Variants in SHBG observed in about 807,000 individuals in gnomAD.
SHBG encodes the protein sex hormone-binding globulin.
Under a neutral mutation model 41.9 loss-of-function variants are expected in SHBG, and 37 were observed. The observed-to-expected ratio is 0.88, with a 90% confidence interval of 0.68 to 1.16. The LOEUF (loss-of-function observed/expected upper bound fraction) is 1.16. Among genes scored for constraint, SHBG ranks in the 50% most tolerant of loss-of-function variants. SHBG has a pLI of 0.00. For synonymous variants in SHBG, 217 were observed against 205.8 expected (o/e 1.05, Z -0.47); for missense variants, 466 against 499.9 (o/e 0.93, Z 0.65).
chr17:7,628,827 A>G (rs183911363), upstream of SHBG, among the ~76,000 whole-genome samples: 1,176 of 151,568 alleles, frequency 7.8e-3, 18 homozygotes, highest in African/African-American at 0.027. Flanking sequence ...AGGCAGAGGC[A>G]GGCGGATCAC....
upstream of SHBG, chr17:7,628,178 A>C (rs1263461134): frequency 4.4e-6 from 2 of 456,508 alleles, no homozygotes; most frequent in Admixed American, 4.7e-5. Context: ...TCAGCTCTGA[A>C]AGCTGTTTCC....
Position 7,630,925 on chromosome 17 carries a change from G to A in SHBG, c.393+56G>A. 6.5e-7 allele frequency: 1 copy of A among 1,528,592 alleles called. No homozygotes were observed. The highest frequency in any genetic ancestry group is 9.0e-7 in the Non-Finnish European group (1 of 1,109,052). The allele number at this position is 1,528,592 out of a possible 1,614,324, so 94.7% of individuals were successfully genotyped here. A position where few individuals can be genotyped will look rare whatever the true frequency, so the allele number is the denominator to read the frequency against. ...TGTCTGGAGCTGGTCTGAGGAAAGG[G>A]AACAAAACCAAGTTATTGGGCATCC... On this transcript the variant is annotated intron_variant, in intron 3 of 7. Coordinates refer to ENST00000380450, the MANE Select transcript of SHBG (RefSeq NM_001040.5). The surrounding 1 kb of genome is among the most constrained non-coding windows in gnomAD (Gnocchi z 4.6).
At chr17:7,632,171 G>T in intron 6 of SHBG, 156 bp downstream of exon 6, 1 of 810,072 alleles carries the variant, frequency 1.2e-6, no homozygotes, top group Non-Finnish European at 2.0e-6. Flanking sequence ...AATTAGCCAG[G>T]CATGGTGGTG....
chr17:7,615,654 C>A (rs1183973995), intron 1 of SHBG, among the ~76,000 whole-genome samples: 6 of 132,518 alleles, frequency 4.5e-5, no homozygotes, highest in Non-Finnish European at 7.9e-5. Flanking sequence ...CCCACCCCCC[C>A]CCCCACCCCG....
intron 4 of SHBG, 74 bp downstream of exon 4, chr17:7,631,435 T>G (rs1012463479): frequency 1.4e-5 from 22 of 1,582,162 alleles, no homozygotes; most frequent in Admixed American, 6.7e-5. Flanking sequence ...CGTGGGAATC[T>G]AAGTCCACAC....
rs2072423892 is a variant in SHBG at position 7,631,730 on chromosome 17, G to A, written c.697G>A (p.Ala233Thr). ...GATATTTCTCCCTCCAGGGACTCAG[G>A]CAGAATTCAATCTCCGAGGTAGATT... ...PGIFLPPGTQ[A>T]EFNLRDIPQP... The change falls in exon 5 of 8, where the codon GCA (alanine) becomes ACA (threonine). Residue 233 changes from alanine (A) to threonine (T), a missense_variant. By Grantham distance (58) the Ala-to-Thr change is moderately conservative. Coordinates refer to ENST00000380450, the MANE Select transcript of SHBG (RefSeq NM_001040.5). 6.2e-7 allele frequency: 1 copy of A among 1,614,034 alleles called. No individual in the cohort carries two copies. Among genetic ancestry groups the A allele is most frequent in the African/African-American group, 1.3e-5 (1 of 75,022 alleles).
intron 1 of SHBG, among the ~76,000 whole-genome samples, chr17:7,617,784 T>A (rs2072019263): frequency 6.6e-6 from 1 of 152,072 alleles, no homozygotes; most frequent in African/African-American, 2.4e-5. Flanking sequence ...GTAATAATTA[T>A]TCAACAAAAT....
chr17:7,618,293 A>T (rs1361734701), intron 1 of SHBG, among the ~76,000 whole-genome samples: 1 of 151,428 alleles, frequency 6.6e-6, no homozygotes, highest in Non-Finnish European at 1.5e-5. Flanking sequence ...TGTTGTTGAG[A>T]TAGAGTCTTA....
chr17:7,618,780 A>AG (rs1329116781), intron 1 of SHBG, among the ~76,000 whole-genome samples: 6 of 152,222 alleles, frequency 3.9e-5, no homozygotes, highest in Non-Finnish European at 1.5e-5. Context: ...AGAGAGGCAA[A>AG]GGGGATCCCC....
chr17:7,631,725 CTCAGGCA>C lies in SHBG; in HGVS notation c.693_699del (p.Gln232AsnfsTer75). 6.2e-7 allele frequency: 1 copy of C among 1,614,168 alleles called. No individual in the cohort carries two copies. The highest frequency in any genetic ancestry group is 8.5e-7 in the Non-Finnish European group (1 of 1,180,028). On this transcript the variant is annotated frameshift_variant, in exon 5 of 8. Coordinates refer to ENST00000380450, the MANE Select transcript of SHBG (RefSeq NM_001040.5). LOFTEE classifies it high-confidence loss of function. The stretch of plus-strand genomic sequence containing the variant: ...CCCGGGATATTTCTCCCTCCAGGGA[CTCAGGCA>C]GAATTCAATCTCCGAGGTAGATTTC...
intron 1 of SHBG, among the ~76,000 whole-genome samples, chr17:7,619,042 A>G (rs2072042543): frequency 6.6e-6 from 1 of 152,328 alleles, no homozygotes; most frequent in Admixed American, 6.5e-5. Context: ...ACAGGAAAGA[A>G]AAAGAATTGT....
At chr17:7,614,392 C>A in intron 1 of SHBG, 1 of 1,267,880 alleles carries the variant, frequency 7.9e-7, no homozygotes, top group Non-Finnish European at 1.1e-6. Flanking sequence ...CCCACGCGTT[C>A]CTGCTCCGGC....
chr17:7,632,069 G>A, intron 6 of SHBG, 54 bp downstream of exon 6: 1 of 1,571,908 alleles, frequency 6.4e-7, no homozygotes, highest in Non-Finnish European at 8.7e-7. Context: ...GGAGCAATGA[G>A]GGAAGAGGGG....
chr17:7,625,382 C>T (rs186198255), upstream of SHBG, among the ~76,000 whole-genome samples: 532 of 151,288 alleles, frequency 3.5e-3, 5 homozygotes, highest in African/African-American at 0.012. Context: ...TCGAGACCAT[C>T]CTGGCTAACA....
intron 1 of SHBG, among the ~76,000 whole-genome samples, chr17:7,616,725 C>T (rs1426150277): frequency 2.6e-5 from 4 of 151,940 alleles, no homozygotes; most frequent in Non-Finnish European, 5.9e-5. Flanking sequence ...ATCACAAGGT[C>T]AGGAGTTCAA....
Position 7,632,903 on chromosome 17 carries a change from C to T in SHBG, c.1004C>T (p.Pro335Leu), listed in dbSNP as rs760172877. Residue 335 changes from proline (P) to leucine (L), a missense_variant, in exon 7 of 8, where the codon CCC (proline) becomes CTC (leucine). Transcript: ENST00000380450. The stretch of plus-strand genomic sequence containing the variant: ...GCCCTGCCTCCCTTAGGCCTGGCTC[C>T]CCTCCTTAACCTCTGGGCCAAGCCT... ...ALALPPLGLA[P>L]LLNLWAKPQG... The T allele has an allele frequency of 6.2e-7, 1 of 1,614,146 alleles. No individual in the cohort carries two copies. Among genetic ancestry groups the T allele is most frequent in the South Asian group, 1.1e-5 (1 of 91,076 alleles).
chr17:7,630,394 G>C lies in SHBG; in HGVS notation c.112-22G>C. On this transcript the variant is annotated intron_variant, in intron 1 of 7. Coordinates refer to ENST00000380450, the MANE Select transcript of SHBG (RefSeq NM_001040.5). This position sits in a 1 kb window ranked among gnomAD's most constrained non-coding sequence, Gnocchi z 4.6. ...CTCTGACATGTCCCTACTCAGCTTT[G>C]TTTGTTTTCTCTTTCTGATAGAGTG... 6.2e-7 allele frequency: 1 copy of C among 1,611,728 alleles called. No homozygotes were observed. The highest frequency in any genetic ancestry group is 1.3e-5 in the African/African-American group (1 of 74,946).
At chr17:7,621,601 TAA>T (rs747951932) in intron 1 of SHBG, among the ~76,000 whole-genome samples, 79 of 46,946 alleles carry the variant, frequency 1.7e-3, no homozygotes, top group Admixed American at 2.5e-3. Flanking sequence ...AGTCTCCGTC[TAA>T]AAAAAAAAAA....
At chr17:7,627,813 G>C, upstream of SHBG, 1 of 719,286 alleles carries the variant, frequency 1.4e-6, no homozygotes, top group Non-Finnish European at 2.5e-6. This position sits in a 1 kb window ranked among gnomAD's most constrained non-coding sequence, Gnocchi z 4.8. Flanking sequence ...GCGCCGTACG[G>C]GAGGAGAGAG....
Sources: allele counts gnomAD v4.1 joint callset (sites outside exome capture counted in the v4.1 genomes callset), GRCh38; gene constraint gnomAD v4.1.1; non-coding constraint Gnocchi (gnomAD v3.1); transcripts MANE v1.5; gene names NCBI Gene and HGNC (gene_info 2026-07-23, HGNC 2026-07-21).